PIEZO2: variants seen among roughly 807,000 people sequenced by gnomAD.
The protein encoded by PIEZO2 is piezo-type mechanosensitive ion channel component 2.
Under a neutral mutation model 337.3 loss-of-function variants are expected in PIEZO2, and 172 were observed. The ratio of observed to expected loss-of-function variants is 0.51; its 90% CI spans 0.45 to 0.58. The LOEUF is 0.58. PIEZO2 is among the 20% of genes least tolerant of loss of function. The pLI is 0.00. For synonymous variants in PIEZO2, 1,251 were observed against 1,228.5 expected, an observed-to-expected ratio of 1.02 and a Z score of -0.38; for missense variants, 3,028 against 3,391.3, an observed-to-expected ratio of 0.89 and a Z score of 2.66.
intron 3 of PIEZO2, among the ~76,000 whole-genome samples, chr18:10,964,612 A>G (rs1297716502): frequency 6.6e-6 from 1 of 152,188 alleles, no homozygotes; most frequent in Non-Finnish European, 1.5e-5. Flanking sequence ...CAAACAATTA[A>G]CCATTTGAAA....
At position 10,954,870 on chromosome 18, in the gene PIEZO2, C is replaced by T. The variant is rs186517410; in HGVS notation, c.286+24665G>A. On this transcript the variant is annotated intron_variant, in intron 3 of 55. Coordinates refer to ENST00000674853, the MANE Select transcript of PIEZO2 (RefSeq NM_001378183.1). The surrounding 1 kb of genome is among the most constrained non-coding windows in gnomAD (Gnocchi z 4.2). ...ATGTTAGTAATGTTTTCCTTGATCT[C>T]CCCAGAAAAGTATAAACTTCAGGAG... Among the ~76,000 whole-genome samples, 229 of 152,260 alleles carry T rather than the reference C, an allele frequency of 1.5e-3. 2 individuals carry two copies. Among genetic ancestry groups the T allele is most frequent in the African/African-American group, 5.4e-3 (223 of 41,542 alleles).
At chr18:10,938,810 G>A (rs1445795864) in intron 3 of PIEZO2, among the ~76,000 whole-genome samples, 1 of 152,168 alleles carries the variant, frequency 6.6e-6, no homozygotes, top group East Asian at 1.9e-4. Context: ...CATTAGGCCG[G>A]GCACAGTGGC....
chr18:10,933,054 G>A (rs1382702723), intron 3 of PIEZO2, among the ~76,000 whole-genome samples: 1 of 152,118 alleles, frequency 6.6e-6, no homozygotes, highest in Non-Finnish European at 1.5e-5. Flanking sequence ...AAACAGGAGG[G>A]TGAGGACCCT....
intron 3 of PIEZO2, among the ~76,000 whole-genome samples, chr18:10,921,917 A>T (rs1215839123): frequency 1.3e-5 from 2 of 152,134 alleles, no homozygotes; most frequent in East Asian, 3.9e-4. Flanking sequence ...CAGGCTTATT[A>T]GGAAGAGGAA....
intron 2 of PIEZO2, among the ~76,000 whole-genome samples, chr18:11,026,278 G>A (rs754616863): frequency 2.0e-5 from 3 of 152,058 alleles, no homozygotes; most frequent in South Asian, 2.1e-4. Context: ...AATTGTAGTC[G>A]CATAGAGTCA....
chr18:11,142,940 G>A (rs569789416), intron 1 of PIEZO2, among the ~76,000 whole-genome samples: 73 of 152,144 alleles, frequency 4.8e-4, no homozygotes, highest in Non-Finnish European at 8.5e-4. Flanking sequence ...TTAGCCGGGT[G>A]TGGTGGCACG....
chr18:10,921,258 G>C (rs187394006), intron 3 of PIEZO2, among the ~76,000 whole-genome samples: 1 of 152,240 alleles, frequency 6.6e-6, no homozygotes, highest in East Asian at 1.9e-4. Flanking sequence ...ATGGAAGGTA[G>C]AGAAGGAGAG....
At chr18:11,000,764 A>T (rs2035502590) in intron 2 of PIEZO2, among the ~76,000 whole-genome samples, 2 of 152,188 alleles carry the variant, frequency 1.3e-5, no homozygotes, top group African/African-American at 2.4e-5. Flanking sequence ...TGAGTGCAGG[A>T]TGTTTTTGGG....
chr18:11,086,781 G>T (rs545906395), intron 1 of PIEZO2, among the ~76,000 whole-genome samples: 1 of 151,598 alleles, frequency 6.6e-6, no homozygotes, highest in African/African-American at 2.4e-5. Flanking sequence ...ACAGGAAGAG[G>T]AGCTAAAAAT....
chr18:10,697,782 G>T lies in PIEZO2; in HGVS notation c.6793C>A (p.His2265Asn), dbSNP rs751951617. ...RELYMEKLQE[H>N]LIKAKAFTIK... ...GTAAAGGCTTTTGCTTTGATTAAATGTTCTTGAAGCTTTTCCATATAAAGT... is the reference window on the plus strand; with the variant it reads ...GTAAAGGCTTTTGCTTTGATTAAATTTTCTTGAAGCTTTTCCATATAAAGT... Residue 2265 changes from histidine (H) to asparagine (N), a missense_variant, in exon 45 of 56, where the codon CAT becomes AAT. This residue lies in a region of PIEZO2 where 1,925 missense variants were observed against 2,051.9 expected (regional missense o/e 0.94). Transcript: ENST00000674853. 1.7e-5 allele frequency: 28 copies of T among 1,614,082 alleles called. No individual in the cohort carries two copies. In the Admixed American group the frequency reaches 4.5e-4, roughly 26 times the overall value.
intron 1 of PIEZO2, among the ~76,000 whole-genome samples, chr18:11,073,512 G>C (rs1034649585): frequency 1.3e-5 from 2 of 152,144 alleles, no homozygotes; most frequent in African/African-American, 4.8e-5. Context: ...CTTGGAGGCA[G>C]GTCCTGCTCT....
At chr18:10,741,185 C>A in intron 32 of PIEZO2, 83 bp from the exon 33 acceptor site, 1 of 1,278,326 alleles carries the variant, frequency 7.8e-7, no homozygotes, top group South Asian at 1.5e-5. Flanking sequence ...ACTCAATTGT[C>A]AAATCTAGGT....
intron 4 of PIEZO2, among the ~76,000 whole-genome samples, chr18:10,882,601 TC>T: frequency 6.6e-6 from 1 of 152,284 alleles, no homozygotes; most frequent in African/African-American, 2.4e-5. Flanking sequence ...AAACATTTTT[TC>T]CCATCATCTC....
chr18:10,869,295 A>G (rs999157295), intron 5 of PIEZO2, among the ~76,000 whole-genome samples: 7 of 152,166 alleles, frequency 4.6e-5, no homozygotes, highest in East Asian at 1.9e-4. Context: ...TCAATTTTCA[A>G]TACTTATCCT....
Position 11,126,845 on chromosome 18 carries a change from A to AT in PIEZO2, c.64+21679dup, listed in dbSNP as rs1314571612. Among the ~76,000 whole-genome samples, 1 of 152,006 alleles carries AT rather than the reference A, an allele frequency of 6.6e-6. No individual in the cohort carries two copies. The highest frequency in any genetic ancestry group is 1.5e-5 in the Non-Finnish European group (1 of 68,036). On this transcript the variant is annotated intron_variant, in intron 1 of 55. Transcript: ENST00000674853. The surrounding 1 kb of genome is among the most constrained non-coding windows in gnomAD (Gnocchi z 4.6). ...TGAGGTAGTTACTTTTATTGCCTGC[A>AT]TTTTACAGATGAGGAAACAGAGACT...
At chr18:10,885,864 A>T (rs1264337639) in intron 4 of PIEZO2, among the ~76,000 whole-genome samples, 2 of 152,180 alleles carry the variant, frequency 1.3e-5, no homozygotes, top group Admixed American at 6.5e-5. Flanking sequence ...TGACTAGCAG[A>T]AGCTGGGCTT....
intron 1 of PIEZO2, among the ~76,000 whole-genome samples, chr18:11,136,371 C>G (rs919096768): frequency 6.6e-6 from 1 of 152,234 alleles, no homozygotes; most frequent in Non-Finnish European, 1.5e-5. Context: ...TCACAAGAAA[C>G]AAAGCCCATT....
chr18:10,904,496 G>A (rs2043127145), intron 4 of PIEZO2, among the ~76,000 whole-genome samples: 1 of 152,168 alleles, frequency 6.6e-6, no homozygotes, highest in South Asian at 2.1e-4. Context: ...GTGATGTGTG[G>A]CTTAGAGTGG....
rs889431062 is a variant in PIEZO2, at chr18:11,038,928, A to T, written c.160+27199T>A. 7.9e-5 allele frequency among the ~76,000 whole-genome samples: 12 copies of T among 152,206 alleles called. No individual in the cohort carries two copies. The highest frequency in any genetic ancestry group is 7.9e-4 in the Admixed American group (12 of 15,282). On this transcript the variant is annotated intron_variant, in intron 2 of 55. Coordinates refer to ENST00000674853, the MANE Select transcript of PIEZO2 (RefSeq NM_001378183.1). This position sits in a 1 kb window ranked among gnomAD's most constrained non-coding sequence, Gnocchi z 4.1. ...CAGTAAGAATCATGATTTTGAAACC[A>T]CTGTAGCTTTGACTAGACATAGGTG...
Sources: gnomAD v4.1 joint callset for allele counts (sites outside exome capture counted in the v4.1 genomes callset) on GRCh38, gnomAD v4.1.1 for gene constraint, gnomAD v4.1.1 regional missense constraint, Gnocchi (gnomAD v3.1) non-coding constraint, MANE v1.5 for transcripts, NCBI Gene and HGNC (gene_info 2026-07-23, HGNC 2026-07-21) for gene names.